Variants in TSPAN5 observed in about 807,000 individuals in gnomAD.
The protein encoded by TSPAN5 is tetraspanin-5.
In TSPAN5, 10 loss-of-function variants were observed where a neutral mutation model predicts 37.1. That is an observed-to-expected ratio of 0.27 (90% CI 0.17 to 0.46). TSPAN5 has a LOEUF of 0.46. Among genes scored for constraint, TSPAN5 ranks in the 20% least tolerant of loss-of-function variants. TSPAN5 has a pLI of 1.00. For synonymous variants in TSPAN5, 110 were observed against 118.9 expected, an observed-to-expected ratio of 0.93 and a Z score of 0.48; for missense variants, 195 against 326.6, an observed-to-expected ratio of 0.60 and a Z score of 3.11.
intron 1 of TSPAN5, among the ~76,000 whole-genome samples, chr4:98,615,277 T>C (rs1217490486): frequency 6.6e-6 from 1 of 152,220 alleles, no homozygotes; most frequent in African/African-American, 2.4e-5. Context: ...AGGCTGCCCC[T>C]GTTCAAAATT....
chr4:98,556,180 A>G (rs1417259228), intron 1 of TSPAN5, among the ~76,000 whole-genome samples: 1 of 152,112 alleles, frequency 6.6e-6, no homozygotes, highest in Non-Finnish European at 1.5e-5. Context: ...TTTTATGCCA[A>G]ATCTGTGGGT....
At chr4:98,647,181 T>A (rs1757087348) in intron 1 of TSPAN5, among the ~76,000 whole-genome samples, 1 of 152,148 alleles carries the variant, frequency 6.6e-6, no homozygotes, top group Non-Finnish European at 1.5e-5. Flanking sequence ...GACGAAGAAT[T>A]CTTCTAAAAG....
chr4:98,502,655 A>T (rs545806543), intron 2 of TSPAN5, among the ~76,000 whole-genome samples: 8 of 152,158 alleles, frequency 5.3e-5, no homozygotes, highest in Non-Finnish European at 8.8e-5. Flanking sequence ...TGAAAAAGTG[A>T]AAGATACCAT....
At chr4:98,557,158 TA>T (rs1242427038) in intron 1 of TSPAN5, among the ~76,000 whole-genome samples, 5 of 151,378 alleles carry the variant, frequency 3.3e-5, no homozygotes, top group African/African-American at 1.2e-4. Context: ...AAAATAAAGA[TA>T]ATAAAATAGT....
At chr4:98,644,600 C>T (rs1757024573) in intron 1 of TSPAN5, among the ~76,000 whole-genome samples, 1 of 151,804 alleles carries the variant, frequency 6.6e-6, no homozygotes, top group Non-Finnish European at 1.5e-5. Flanking sequence ...TGCGCTGCAC[C>T]CACTAACTCG....
intron 3 of TSPAN5, chr4:98,483,837 C>T (rs190341784): frequency 1.3e-5 from 2 of 152,504 alleles, no homozygotes; most frequent in East Asian, 1.9e-4. Flanking sequence ...TTTAAACTTT[C>T]CCCAATCTAG....
At chr4:98,513,575 A>G (rs1753661324) in intron 1 of TSPAN5, among the ~76,000 whole-genome samples, 1 of 152,116 alleles carries the variant, frequency 6.6e-6, no homozygotes, top group Admixed American at 6.6e-5. Flanking sequence ...AGGAAAAGGA[A>G]GTGTTAAGGA....
chr4:98,609,543 G>A (rs1756130567), intron 1 of TSPAN5, among the ~76,000 whole-genome samples: 1 of 152,204 alleles, frequency 6.6e-6, no homozygotes, highest in African/African-American at 2.4e-5. Flanking sequence ...CAGGACACAA[G>A]AGTGGAGCAG....
At chr4:98,519,298 C>T (rs1229832883) in intron 1 of TSPAN5, among the ~76,000 whole-genome samples, 1 of 151,904 alleles carries the variant, frequency 6.6e-6, no homozygotes, top group African/African-American at 2.4e-5. Context: ...TGAGACCAGC[C>T]TGGGCAACAC....
At chr4:98,632,594 GT>G (rs1485735406) in intron 1 of TSPAN5, among the ~76,000 whole-genome samples, 1 of 152,140 alleles carries the variant, frequency 6.6e-6, no homozygotes, top group Non-Finnish European at 1.5e-5. Context: ...CTGAGTGTGG[GT>G]GCTACCATCA....
intron 4 of TSPAN5, among the ~76,000 whole-genome samples, chr4:98,480,953 G>A (rs566803427): frequency 6.1e-4 from 93 of 152,192 alleles, no homozygotes; most frequent in Non-Finnish European, 1.2e-3. Context: ...CTCATAAAGA[G>A]TGTCAACATG....
At position 98,472,333 on chromosome 4, in the gene TSPAN5, A is replaced by T. The variant is rs1045589223; in HGVS notation, c.*189T>A. On this transcript the variant is annotated 3_prime_UTR_variant, in exon 8 of 8. Transcript: ENST00000305798. ...CGGCGCAACGACTTTCATACTGGTT[A>T]TTTTTTTTTTTAATTCTGTCAGTGA... 4.9e-5 allele frequency: 20 copies of T among 406,830 alleles called. No homozygotes were observed. The highest frequency in any genetic ancestry group is 7.0e-5 in the Non-Finnish European group (16 of 228,350). The allele number at this position is 406,830 out of a possible 1,614,324, so 25.2% of individuals were successfully genotyped here.
chr4:98,507,919 G>A (rs926631678), intron 1 of TSPAN5, among the ~76,000 whole-genome samples, 191 bp from the exon 2 acceptor site: 6 of 152,298 alleles, frequency 3.9e-5, no homozygotes, highest in African/African-American at 1.2e-4. Flanking sequence ...ATTAAGAAGG[G>A]CTGGAGACAC....
At chr4:98,641,369 A>G (rs1192150454) in intron 1 of TSPAN5, among the ~76,000 whole-genome samples, 4 of 152,234 alleles carry the variant, frequency 2.6e-5, no homozygotes, top group African/African-American at 9.6e-5. Flanking sequence ...AATAATGCCT[A>G]TGCCATCAAG....
At chr4:98,621,792 C>A (rs918143053) in intron 1 of TSPAN5, among the ~76,000 whole-genome samples, 2 of 151,152 alleles carry the variant, frequency 1.3e-5, no homozygotes, top group Non-Finnish European at 3.0e-5. Flanking sequence ...ATTCCCACCC[C>A]CCCCGCAGCC....
chr4:98,553,335 T>C (rs1754664192), intron 1 of TSPAN5, among the ~76,000 whole-genome samples: 1 of 152,186 alleles, frequency 6.6e-6, no homozygotes, highest in African/African-American at 2.4e-5. Flanking sequence ...TTAAAGGAAA[T>C]GAAAACAATA....
intron 1 of TSPAN5, among the ~76,000 whole-genome samples, chr4:98,640,391 A>G (rs772545291): frequency 5.9e-5 from 9 of 152,232 alleles, no homozygotes; most frequent in South Asian, 2.1e-4. Context: ...ATTTATATAC[A>G]TGATTTTACG....
At chr4:98,494,277 G>A (rs550871742) in intron 2 of TSPAN5, among the ~76,000 whole-genome samples, 1 of 152,138 alleles carries the variant, frequency 6.6e-6, no homozygotes, top group East Asian at 2.0e-4. Context: ...TTAAGCCAAT[G>A]AGGCTCACCT....
intron 1 of TSPAN5, among the ~76,000 whole-genome samples, chr4:98,630,643 T>C (rs1377022158): frequency 6.6e-6 from 1 of 152,212 alleles, no homozygotes; most frequent in Admixed American, 6.5e-5. Flanking sequence ...CCAAGCTTCC[T>C]GTGCATTGGT....
Sources: allele counts gnomAD v4.1 joint callset (sites outside exome capture counted in the v4.1 genomes callset), GRCh38; gene constraint gnomAD v4.1.1; transcripts MANE v1.5; gene names NCBI Gene and HGNC (gene_info 2026-07-23, HGNC 2026-07-21).